Variants in ATP13A3 observed in about 807,000 individuals in gnomAD.
The protein encoded by ATP13A3 is polyamine-transporting ATPase 13A3.
Under a neutral mutation model 158.1 loss-of-function variants are expected in ATP13A3, and 59 were observed. That is an observed-to-expected ratio of 0.37 (90% CI 0.30 to 0.46). The LOEUF (loss-of-function observed/expected upper bound fraction) is 0.46. ATP13A3 is among the 20% of genes least tolerant of loss of function. The probability of loss-of-function intolerance (pLI) is 1.00; values close to 1 mark genes in which losing one functional copy is unlikely to be tolerated. For missense variants in ATP13A3, 1,166 were observed against 1,525.2 expected (o/e 0.76, Z 3.92); for synonymous variants, 491 against 504.3 (o/e 0.97, Z 0.35).
intron 24 of ATP13A3, among the ~76,000 whole-genome samples, chr3:194,430,576 T>A (rs1399005451): frequency 6.6e-6 from 1 of 152,214 alleles, no homozygotes; most frequent in Admixed American, 6.5e-5. Flanking sequence ...TTTCCTCATC[T>A]TTAGAGCAAA....
rs548725136 is a variant in ATP13A3, at chr3:194,470,629, T to C, written c.-46-8393A>G. Reference sequence around the variant, plus strand: ...TTTATATGCAATGTAATAAAACAGTTTGCATTCTCAAAATGTCCACTTACG... The same window carrying C: ...TTTATATGCAATGTAATAAAACAGTCTGCATTCTCAAAATGTCCACTTACG... On this transcript the variant is annotated intron_variant, in intron 2 of 33. Transcript: ENST00000645319. Among the ~76,000 whole-genome samples the C allele has an allele frequency of 1.2e-4, 18 of 152,300 alleles. No homozygotes were observed. In the South Asian group the frequency reaches 2.3e-3, roughly 19 times the overall value.
In ATP13A3 at chr3:194,403,141, C is replaced by A. The variant is rs189645011; in HGVS notation, c.*2778G>T. 1.3e-5 allele frequency: 2 copies of A among 152,144 alleles called. No homozygotes were observed. The highest frequency in any genetic ancestry group is 2.9e-5 in the Non-Finnish European group (2 of 68,028). 9.4% of individuals were successfully genotyped at this position (152,144 alleles called of 1,614,324 possible). A position where few individuals can be genotyped will look rare whatever the true frequency, so the allele number is the denominator to read the frequency against. ...ATGTTATCTATAGCTGTTTCTGTAA[C>A]AGACTACATAAACATTGATATATTA... is the stretch of plus-strand genomic sequence containing the variant. On this transcript the variant is annotated 3_prime_UTR_variant, in exon 34 of 34. Coordinates refer to ENST00000645319, the MANE Select transcript of ATP13A3 (RefSeq NM_001367549.1).
chr3:194,416,258 T>C (rs1715843413), intron 31 of ATP13A3, among the ~76,000 whole-genome samples: 1 of 152,098 alleles, frequency 6.6e-6, no homozygotes, highest in Non-Finnish European at 1.5e-5. Context: ...AGGAGTTCGA[T>C]ACCAGTCTGG....
chr3:194,450,363 T>C, intron 10 of ATP13A3, 87 bp from the exon 11 acceptor site: 4 of 1,299,802 alleles, frequency 3.1e-6, no homozygotes, highest in Non-Finnish European at 4.3e-6. Context: ...AGTCATCTGA[T>C]CTCAATAAGA....
chr3:194,427,100 A>G lies in ATP13A3; in HGVS notation c.3100T>C (p.Tyr1034His). The G allele has an allele frequency of 5.0e-6, 8 of 1,613,394 alleles. No individual in the cohort carries two copies. Among genetic ancestry groups the G allele is most frequent in the Non-Finnish European group, 6.8e-6 (8 of 1,179,894 alleles). Reference protein sequence around the residue: ...GFFWVKQQPWYEVWHPKSDAC... With the variant: ...GFFWVKQQPWHEVWHPKSDAC... ...TCTGATTTTGGATGCCACACTTCAT[A>G]CCAAGGTTGCTGTTTGACCCAAAAA... The change falls in exon 29 of 34, where the codon TAT becomes CAT. Residue 1034 changes from tyrosine to histidine, a missense_variant. Tyr to His is a moderately conservative substitution (Grantham distance 83, BLOSUM62 2). This residue lies in a region of ATP13A3 where 997 missense variants were observed against 1,341.2 expected (regional missense o/e 0.74). Transcript: ENST00000645319.
At chr3:194,428,147 G>A (rs1188542958) in intron 28 of ATP13A3, among the ~76,000 whole-genome samples, 3 of 150,992 alleles carry the variant, frequency 2.0e-5, no homozygotes, top group African/African-American at 7.3e-5. Context: ...CTTGAACTCG[G>A]GAGGCGGAGG....
intron 30 of ATP13A3, 26 bp from the exon 31 acceptor site, chr3:194,419,993 A>G: frequency 6.7e-7 from 1 of 1,501,208 alleles, no homozygotes; most frequent in Non-Finnish European, 8.8e-7. Flanking sequence ...AAAGTAAAAC[A>G]AGTAAATTAG....
At chr3:194,442,199 G>A (rs749748689) in intron 15 of ATP13A3, among the ~76,000 whole-genome samples, 1 of 152,162 alleles carries the variant, frequency 6.6e-6, no homozygotes, top group African/African-American at 2.4e-5. Context: ...TTCTCCAGAG[G>A]GGAGCTCAAA....
intron 11 of ATP13A3, 104 bp downstream of exon 11, chr3:194,450,041 A>G (rs1487535370): frequency 8.4e-7 from 1 of 1,190,818 alleles, no homozygotes; most frequent in Non-Finnish European, 1.2e-6. Context: ...CATATTCATG[A>G]GTAAAGGTAC....
chr3:194,453,595 A>G (rs1461262746), intron 10 of ATP13A3, 111 bp downstream of exon 10: 18 of 791,072 alleles, frequency 2.3e-5, no homozygotes, highest in Non-Finnish European at 3.6e-5. Context: ...ACACTGACTC[A>G]ATCAATCAAT....
At chr3:194,454,823 CAAAA>C (rs397875989) in intron 8 of ATP13A3, among the ~76,000 whole-genome samples, 2 of 62,158 alleles carry the variant, frequency 3.2e-5, no homozygotes, top group Non-Finnish European at 6.6e-5. Flanking sequence ...GACTCCGTCT[CAAAA>C]AAAAAAAAAA....
intron 30 of ATP13A3, among the ~76,000 whole-genome samples, chr3:194,423,182 A>C (rs979638354): frequency 6.6e-6 from 1 of 152,184 alleles, no homozygotes; most frequent in African/African-American, 2.4e-5. Flanking sequence ...GAATGAGAAA[A>C]TGTAACTGTG....
chr3:194,491,037 G>C (rs1028922315), upstream of ATP13A3, among the ~76,000 whole-genome samples: 3 of 152,188 alleles, frequency 2.0e-5, no homozygotes, highest in African/African-American at 7.2e-5. Flanking sequence ...CCAGCTACTT[G>C]GGAGGCTGAG....
At chr3:194,452,768 C>G (rs1211775881) in intron 10 of ATP13A3, 1 of 152,146 alleles carries the variant, frequency 6.6e-6, no homozygotes, top group Non-Finnish European at 1.5e-5. Context: ...TCATCACTTA[C>G]AAGCACTTAA....
At chr3:194,432,017 G>T in intron 21 of ATP13A3, 125 bp from the exon 22 acceptor site, 1 of 749,466 alleles carries the variant, frequency 1.3e-6, no homozygotes, top group Non-Finnish European at 1.9e-6. Context: ...ATAATGTATG[G>T]TTCTTCCACT....
intron 10 of ATP13A3, chr3:194,451,078 A>G (rs1718773387): frequency 6.6e-6 from 1 of 152,184 alleles, no homozygotes; most frequent in Non-Finnish European, 1.5e-5. Flanking sequence ...CTCAGAAGAC[A>G]GTCACACTAG....
At chr3:194,477,469 C>A (rs749560420) in intron 2 of ATP13A3, among the ~76,000 whole-genome samples, 1 of 152,156 alleles carries the variant, frequency 6.6e-6, no homozygotes, top group Admixed American at 6.5e-5. Flanking sequence ...CATCCCTATT[C>A]CCCTTTCCCA....
chr3:194,490,890 A>C (rs1189562460), upstream of ATP13A3, among the ~76,000 whole-genome samples: 1 of 152,230 alleles, frequency 6.6e-6, no homozygotes, highest in Non-Finnish European at 1.5e-5. The surrounding 1 kb of genome is among the most constrained non-coding windows in gnomAD (Gnocchi z 4.4). Context: ...TCACGCCTTT[A>C]ATCCCAGCAA....
chr3:194,449,956 G>A (rs903193587), intron 11 of ATP13A3, among the ~76,000 whole-genome samples, 189 bp downstream of exon 11: 1 of 152,004 alleles, frequency 6.6e-6, no homozygotes, highest in Non-Finnish European at 1.5e-5. Flanking sequence ...CAACACTATA[G>A]CACAGTATCT....
Sources: allele counts gnomAD v4.1 joint callset (sites outside exome capture counted in the v4.1 genomes callset), GRCh38; gene constraint gnomAD v4.1.1; regional missense constraint gnomAD v4.1.1; non-coding constraint Gnocchi (gnomAD v3.1); transcripts MANE v1.5; gene names NCBI Gene and HGNC (gene_info 2026-07-23, HGNC 2026-07-21).